The following UNC5D variants were observed in gnomAD, a reference collection of about 807,000 sequenced individuals.
The protein encoded by UNC5D is unc-5 netrin receptor D.
UNC5D carries 39 observed loss-of-function variants against 105.4 expected under a neutral mutation model. The ratio of observed to expected loss-of-function variants is 0.37; its 90% CI spans 0.29 to 0.48. The LOEUF (loss-of-function observed/expected upper bound fraction) is 0.48, where lower values mean the gene tolerates loss of function less well. Among genes scored for constraint, UNC5D ranks in the 20% least tolerant of loss-of-function variants. The pLI, the probability that UNC5D is intolerant of heterozygous loss-of-function variation, is 0.98. For missense variants in UNC5D, 991 were observed against 1,202.4 expected (o/e 0.82, Z 2.60); for synonymous variants, 452 against 450.4 (o/e 1.00, Z -0.04).
At chr8:35,669,982 C>G (rs1400053761) in intron 4 of UNC5D, among the ~76,000 whole-genome samples, 1 of 152,042 alleles carries the variant, frequency 6.6e-6, no homozygotes, top group Non-Finnish European at 1.5e-5. Context: ...CCATGAATGA[C>G]ATGAGTCTGG....
chr8:35,667,036 A>T (rs959050819), intron 4 of UNC5D, among the ~76,000 whole-genome samples: 3 of 152,186 alleles, frequency 2.0e-5, no homozygotes, highest in African/African-American at 7.2e-5. Context: ...TAGTTAATAC[A>T]TTAGTTTACG....
chr8:35,264,253 G>A (rs372388471), intron 1 of UNC5D, among the ~76,000 whole-genome samples: 39 of 152,310 alleles, frequency 2.6e-4, no homozygotes, highest in African/African-American at 8.4e-4. Context: ...ACGTGCAAAT[G>A]AATAGAGTGG....
chr8:35,253,750 A>T (rs111679488), intron 1 of UNC5D, among the ~76,000 whole-genome samples: 1 of 151,836 alleles, frequency 6.6e-6, no homozygotes, highest in African/African-American at 2.4e-5. Flanking sequence ...CGGCCTCCCA[A>T]AATGCTGGGA....
At chr8:35,784,479 C>T (rs7818374) in intron 16 of UNC5D, among the ~76,000 whole-genome samples, 6,660 of 152,128 alleles carry the variant, frequency 0.044, 360 homozygotes, top group African/African-American at 0.13. Context: ...CCAGGCACGA[C>T]AGCTGAGACT....
At chr8:35,542,757 C>T (rs537215646) in intron 1 of UNC5D, among the ~76,000 whole-genome samples, 9 of 152,050 alleles carry the variant, frequency 5.9e-5, no homozygotes, top group South Asian at 2.1e-4. Flanking sequence ...TTATAAGCAA[C>T]GGTCCATATC....
intron 1 of UNC5D, among the ~76,000 whole-genome samples, chr8:35,521,056 A>T (rs948772591): frequency 1.3e-5 from 2 of 152,146 alleles, no homozygotes; most frequent in Admixed American, 1.3e-4. Flanking sequence ...GGGATAGACA[A>T]AGGGTGATGT....
At chr8:35,737,252 C>CTGTGTGTGTGTGTGTGTGTG in intron 11 of UNC5D, among the ~76,000 whole-genome samples, 1 of 119,882 alleles carries the variant, frequency 8.3e-6, no homozygotes, top group South Asian at 2.9e-4. Flanking sequence ...AAGATCTGCT[C>CTGTGTGTGTGTGTGTGTGTG]TGTGTGTGTG....
intron 1 of UNC5D, among the ~76,000 whole-genome samples, chr8:35,446,290 G>T (rs1321398855): frequency 6.6e-6 from 1 of 151,874 alleles, no homozygotes; most frequent in Non-Finnish European, 1.5e-5. Flanking sequence ...ATGTTGTTGA[G>T]ATTTTGTTTA....
intron 1 of UNC5D, among the ~76,000 whole-genome samples, chr8:35,387,683 C>T (rs1013318463): frequency 5.9e-5 from 9 of 152,166 alleles, no homozygotes; most frequent in Non-Finnish European, 1.3e-4. Context: ...AGTTCCTTAA[C>T]GTCTTTGTCT....
At chr8:35,590,574 G>T (rs1819104860) in intron 3 of UNC5D, among the ~76,000 whole-genome samples, 1 of 151,780 alleles carries the variant, frequency 6.6e-6, no homozygotes, top group Non-Finnish European at 1.5e-5. Context: ...TAGTTAATTT[G>T]CCTGATTTAT....
chr8:35,781,416 C>T (rs770468431), intron 16 of UNC5D, among the ~76,000 whole-genome samples: 6 of 152,018 alleles, frequency 3.9e-5, no homozygotes, highest in Admixed American at 6.6e-5. Flanking sequence ...CAAGGGGTGT[C>T]GCATTTCTTC....
chr8:35,497,028 T>C (rs1453854684), intron 1 of UNC5D, among the ~76,000 whole-genome samples: 1 of 152,204 alleles, frequency 6.6e-6, no homozygotes, highest in Non-Finnish European at 1.5e-5. Flanking sequence ...ATTTATTTAA[T>C]ATACCTTTTA....
In UNC5D at chr8:35,413,919, G is replaced by T. The variant is rs991042193; in HGVS notation, c.104-135373G>T. On this transcript the variant is annotated intron_variant, in intron 1 of 16. Coordinates refer to ENST00000404895, the MANE Select transcript of UNC5D (RefSeq NM_080872.4). ...ATGGATGCTACATCAGTGGGTCTTA[G>T]TGCTGGTCATATATTACAACCATCT... Among the ~76,000 whole-genome samples, 5 of 152,154 alleles carry T rather than the reference G, an allele frequency of 3.3e-5. 1 individual carries two copies. The highest frequency in any genetic ancestry group is 6.6e-5 in the Admixed American group (1 of 15,266).
intron 7 of UNC5D, among the ~76,000 whole-genome samples, chr8:35,692,758 T>A (rs1826493730): frequency 1.3e-5 from 2 of 152,200 alleles, no homozygotes; most frequent in African/African-American, 2.4e-5. Context: ...CAGCACAATA[T>A]ATTTTTATGT....
At chr8:35,735,421 C>T (rs1829415142) in intron 11 of UNC5D, among the ~76,000 whole-genome samples, 1 of 152,198 alleles carries the variant, frequency 6.6e-6, no homozygotes, top group African/African-American at 2.4e-5. Context: ...TGTAAGTCAT[C>T]TTATTGAAGA....
intron 16 of UNC5D, among the ~76,000 whole-genome samples, chr8:35,788,790 A>C (rs1417539623): frequency 6.6e-6 from 1 of 151,868 alleles, no homozygotes; most frequent in African/African-American, 2.4e-5. Context: ...AGAAGACATA[A>C]ATCATTCTGG....
intron 1 of UNC5D, among the ~76,000 whole-genome samples, chr8:35,312,005 T>C (rs1347053693): frequency 6.6e-6 from 1 of 152,192 alleles, no homozygotes; most frequent in East Asian, 1.9e-4. Flanking sequence ...CCTCATTCAT[T>C]TGGAATCAGG....
intron 10 of UNC5D, among the ~76,000 whole-genome samples, chr8:35,729,764 C>T (rs1829088762): frequency 6.6e-6 from 1 of 152,110 alleles, no homozygotes; most frequent in Non-Finnish European, 1.5e-5. Context: ...AATTATAGTT[C>T]TACTATTGAC....
intron 8 of UNC5D, among the ~76,000 whole-genome samples, chr8:35,716,655 C>T (rs1479475918): frequency 6.6e-6 from 1 of 152,158 alleles, no homozygotes; most frequent in Non-Finnish European, 1.5e-5. Flanking sequence ...GATATAGCTA[C>T]TATTGTCATT....
Sources: allele counts gnomAD v4.1 joint callset (sites outside exome capture counted in the v4.1 genomes callset), GRCh38; gene constraint gnomAD v4.1.1; transcripts MANE v1.5; gene names NCBI Gene and HGNC (gene_info 2026-07-23, HGNC 2026-07-21).